Variants in CFAP299 observed in about 807,000 individuals in gnomAD.
CFAP299 encodes cilia- and flagella-associated protein 299.
Under a neutral mutation model 27.0 loss-of-function variants are expected in CFAP299, and 21 were observed. That is an observed-to-expected ratio of 0.78 (90% CI 0.55 to 1.12). CFAP299 has a LOEUF of 1.12. Ranked by LOEUF, CFAP299 falls within the 50% of genes most tolerant of loss-of-function variation. The pLI is 0.00. For synonymous variants in CFAP299, 104 were observed against 98.1 expected (o/e 1.06, Z -0.36); for missense variants, 310 against 276.6 (o/e 1.12, Z -0.86).
chr4:80,419,906 G>A (rs1727211303), intron 2 of CFAP299, among the ~76,000 whole-genome samples: 1 of 152,064 alleles, frequency 6.6e-6, no homozygotes, highest in South Asian at 2.1e-4. Context: ...AGTTTGCTGG[G>A]AAATTAACTG....
intron 3 of CFAP299, among the ~76,000 whole-genome samples, chr4:80,801,546 T>C (rs1392086910): frequency 6.6e-6 from 1 of 152,088 alleles, no homozygotes; most frequent in East Asian, 1.9e-4. Context: ...AAAGGCTGTA[T>C]CTTAAAGTAT....
intron 2 of CFAP299, among the ~76,000 whole-genome samples, chr4:80,530,690 G>T (rs556189876): frequency 7.2e-5 from 11 of 152,182 alleles, no homozygotes; most frequent in Admixed American, 7.2e-4. Context: ...TGGAGAAGAG[G>T]GGGTATGCTG....
rs369879140 is a variant in CFAP299, at chr4:80,865,897, C to A, written c.334-4096C>A. 5.8e-4 allele frequency among the ~76,000 whole-genome samples: 60 copies of A among 103,360 alleles called. No homozygotes were observed. In the East Asian group the frequency reaches 0.011, roughly 19 times the overall value. 67.8% of individuals were successfully genotyped at this position (103,360 alleles called of 152,430 possible). A position where few individuals can be genotyped will look rare whatever the true frequency, so the allele number is the denominator to read the frequency against. On this transcript the variant is annotated intron_variant, in intron 3 of 5. Coordinates refer to ENST00000358105, the MANE Select transcript of CFAP299 (RefSeq NM_152770.3). The stretch of plus-strand genomic sequence containing the variant: ...AAACACTTGGACACAGGGTGGGGAA[C>A]ATCACACACCAGGGTCTGTTGTGGG...
chr4:80,770,021 C>A (rs1726119751), intron 3 of CFAP299, among the ~76,000 whole-genome samples: 1 of 152,096 alleles, frequency 6.6e-6, no homozygotes, highest in Admixed American at 6.6e-5. Flanking sequence ...TGAAAAGTAG[C>A]AAACTTTCAG....
chr4:80,897,427 C>A (rs1734661361), intron 4 of CFAP299, among the ~76,000 whole-genome samples: 2 of 152,110 alleles, frequency 1.3e-5, no homozygotes, highest in South Asian at 4.2e-4. Context: ...TGGTCTGGAT[C>A]CTTTAATTGC....
chr4:80,674,605 C>A (rs1719284010), intron 3 of CFAP299, among the ~76,000 whole-genome samples: 1 of 152,120 alleles, frequency 6.6e-6, no homozygotes, highest in Non-Finnish European at 1.5e-5. Flanking sequence ...TGGATAATAT[C>A]CTGAAGAGTG....
intron 2 of CFAP299, among the ~76,000 whole-genome samples, chr4:80,449,892 A>G (rs1186650832): frequency 6.6e-6 from 1 of 152,136 alleles, no homozygotes; most frequent in Non-Finnish European, 1.5e-5. Context: ...TCTCAAAGCT[A>G]GAAAGTTATC....
At chr4:80,857,152 T>C (rs1415803685) in intron 3 of CFAP299, among the ~76,000 whole-genome samples, 2 of 152,230 alleles carry the variant, frequency 1.3e-5, no homozygotes, top group Non-Finnish European at 2.9e-5. Flanking sequence ...AGGTATTTTA[T>C]TCTCTTTGAA....
intron 3 of CFAP299, among the ~76,000 whole-genome samples, chr4:80,736,801 T>A (rs958341114): frequency 3.3e-5 from 5 of 152,172 alleles, no homozygotes; most frequent in African/African-American, 4.8e-5. Context: ...GACCCAGCCA[T>A]CCCATTACTG....
chr4:80,960,205 A>T (rs1220539236), intron 5 of CFAP299, among the ~76,000 whole-genome samples: 1 of 151,804 alleles, frequency 6.6e-6, no homozygotes, highest in Non-Finnish European at 1.5e-5. Context: ...ATTGTAGCAC[A>T]TCTCATAGCT....
chr4:80,757,691 G>GT (rs144517834), intron 3 of CFAP299, among the ~76,000 whole-genome samples: 11,104 of 151,384 alleles, frequency 0.073, 478 homozygotes, highest in Middle Eastern at 0.093. Flanking sequence ...ACAAAGTCAG[G>GT]TTTTTTGTTT....
chr4:80,493,437 G>A (rs1226299637), intron 2 of CFAP299, among the ~76,000 whole-genome samples: 1 of 152,128 alleles, frequency 6.6e-6, no homozygotes, highest in Non-Finnish European at 1.5e-5. Context: ...AAAGATGATG[G>A]GATGAGTGCT....
At chr4:80,814,341 T>C (rs1560426130) in intron 3 of CFAP299, among the ~76,000 whole-genome samples, 2 of 152,068 alleles carry the variant, frequency 1.3e-5, no homozygotes, top group African/African-American at 2.4e-5. Context: ...GAAAATGTAC[T>C]TGATGCTGGC....
At chr4:80,897,865 T>TTTCC (rs1734683554) in intron 4 of CFAP299, among the ~76,000 whole-genome samples, 1 of 152,206 alleles carries the variant, frequency 6.6e-6, no homozygotes, top group Admixed American at 6.5e-5. Flanking sequence ...AAACAGGGTA[T>TTTCC]TTCCCTGACC....
At chr4:80,329,797 G>C in the CFAP299 span, among the ~76,000 whole-genome samples, 1 of 152,078 alleles carries the variant, frequency 6.6e-6, no homozygotes, top group Admixed American at 6.6e-5. Context: ...TCAGAAGCTA[G>C]AAAGAAGATG....
rs549993475 is a variant in CFAP299, at chr4:80,770,625, TA to T, written c.334-99362del. Among the ~76,000 whole-genome samples, 160 of 152,358 alleles carry T rather than the reference TA, an allele frequency of 1.1e-3. 1 individual carries two copies. Among genetic ancestry groups the T allele is most frequent in the Admixed American group, 3.1e-3 (48 of 15,302 alleles). On this transcript the variant is annotated intron_variant, in intron 3 of 5. Coordinates refer to ENST00000358105, the MANE Select transcript of CFAP299 (RefSeq NM_152770.3). ...TTTAAAATCTGCTAATATAAATTTA[TA>T]AAAAATGTGTATACATATTTCAATT...
chr4:80,924,236 T>A (rs1560478695), intron 4 of CFAP299, among the ~76,000 whole-genome samples: 1 of 151,956 alleles, frequency 6.6e-6, no homozygotes. Context: ...TCCAGAGAAG[T>A]CCCCTTTACT....
At chr4:80,617,223 T>C (rs1560658594) in intron 3 of CFAP299, among the ~76,000 whole-genome samples, 1 of 152,168 alleles carries the variant, frequency 6.6e-6, no homozygotes, top group Non-Finnish European at 1.5e-5. Context: ...AGGAGATTAG[T>C]TCTGAATGGG....
At chr4:80,800,338 A>C (rs1169627064) in intron 3 of CFAP299, among the ~76,000 whole-genome samples, 3 of 71,856 alleles carry the variant, frequency 4.2e-5, no homozygotes, top group African/African-American at 6.0e-5. Flanking sequence ...ATTAATATAT[A>C]TAATATATAA....
Sources: allele counts gnomAD v4.1 joint callset (sites outside exome capture counted in the v4.1 genomes callset), GRCh38; gene constraint gnomAD v4.1.1; transcripts MANE v1.5; gene names NCBI Gene and HGNC (gene_info 2026-07-23, HGNC 2026-07-21).